Variants in ATP10A observed in about 807,000 individuals in gnomAD.
ATP10A encodes ATPase phospholipid transporting 10A (putative).
ATP10A carries 111 observed loss-of-function variants against 147.8 expected under a neutral mutation model. The ratio of observed to expected loss-of-function variants is 0.75; its 90% CI spans 0.64 to 0.88. The LOEUF is 0.88. Ranked by LOEUF, ATP10A falls within the 40% of genes least tolerant of loss-of-function variation. ATP10A has a pLI of 0.00. For synonymous variants in ATP10A, 875 were observed against 841.6 expected, an observed-to-expected ratio of 1.04 and a Z score of -0.69; for missense variants, 1,927 against 1,959.0, an observed-to-expected ratio of 0.98 and a Z score of 0.31.
intron 1 of ATP10A, among the ~76,000 whole-genome samples, chr15:25,808,940 T>A (rs1387863215): frequency 6.6e-6 from 1 of 152,104 alleles, no homozygotes; most frequent in Admixed American, 6.6e-5. Context: ...GAGGGAAGAC[T>A]GGACGTAGTT....
intron 13 of ATP10A, 35 bp downstream of exon 13, chr15:25,701,881 G>A (rs563455781): frequency 6.4e-7 from 1 of 1,553,588 alleles, no homozygotes; most frequent in East Asian, 2.3e-5. Context: ...GACCACCCCA[G>A]GGGAAGGAAG....
At chr15:25,839,366 C>T (rs929433334) in intron 1 of ATP10A, among the ~76,000 whole-genome samples, 1 of 152,152 alleles carries the variant, frequency 6.6e-6, no homozygotes, top group African/African-American at 2.4e-5. Flanking sequence ...TATAACTAGA[C>T]AGCCAAGTCT....
chr15:25,774,721 T>C (rs1596861777), intron 2 of ATP10A, among the ~76,000 whole-genome samples: 1 of 152,152 alleles, frequency 6.6e-6, no homozygotes, highest in African/African-American at 2.4e-5. Context: ...GCCAAACTTA[T>C]ATTGCCATGA....
intron 1 of ATP10A, among the ~76,000 whole-genome samples, chr15:25,829,614 CAG>C (rs779545996): frequency 2.0e-5 from 3 of 152,084 alleles, no homozygotes; most frequent in Non-Finnish European, 4.4e-5. Context: ...GTAAGATAAA[CAG>C]AGTAGGGACA....
chr15:25,857,492 T>C (rs1893569170), intron 1 of ATP10A, among the ~76,000 whole-genome samples: 1 of 152,122 alleles, frequency 6.6e-6, no homozygotes, highest in Non-Finnish European at 1.5e-5. Flanking sequence ...ATTTATAGTT[T>C]AGTTTTAAGA....
At chr15:25,704,240 T>A (rs1209531856) in intron 12 of ATP10A, among the ~76,000 whole-genome samples, 1 of 151,498 alleles carries the variant, frequency 6.6e-6, no homozygotes, top group Non-Finnish European at 1.5e-5. Flanking sequence ...TCATTCATAC[T>A]TAATGATAGT....
chr15:25,775,879 C>G (rs570928253), intron 2 of ATP10A, among the ~76,000 whole-genome samples: 5 of 152,260 alleles, frequency 3.3e-5, no homozygotes, highest in Non-Finnish European at 7.3e-5. Context: ...CCCCGCCTCA[C>G]CCCGGCTGAA....
Position 25,721,648 on chromosome 15 carries a change from C to G in ATP10A, c.1363+9G>C, listed in dbSNP as rs940314286. 1.4e-5 allele frequency: 22 copies of G among 1,610,234 alleles called. No individual in the cohort carries two copies. The highest frequency in any genetic ancestry group is 2.2e-5 in the East Asian group (1 of 44,790). On this transcript the variant is annotated intron_variant, in intron 7 of 20. Coordinates refer to ENST00000555815, the MANE Select transcript of ATP10A (RefSeq NM_024490.4). The stretch of plus-strand genomic sequence containing the variant: ...GCCTGGGTTGGGAGCCCCGCACCCC[C>G]AGACTCACCATTTGCATCATGAGAA...
intron 1 of ATP10A, among the ~76,000 whole-genome samples, chr15:25,806,559 G>T (rs149732824): frequency 0.021 from 3,240 of 152,150 alleles, 121 homozygotes; most frequent in African/African-American, 0.074. Flanking sequence ...TGATCCGCCC[G>T]CCTCAGCCTC....
intron 1 of ATP10A, among the ~76,000 whole-genome samples, chr15:25,833,988 C>CA (rs113406342): frequency 0.028 from 3,976 of 143,272 alleles, 180 homozygotes; most frequent in African/African-American, 0.093. Context: ...AACGAACAAA[C>CA]AAAAAAAAAA....
At chr15:25,776,554 C>T (rs1218296694) in intron 2 of ATP10A, among the ~76,000 whole-genome samples, 1 of 152,242 alleles carries the variant, frequency 6.6e-6, no homozygotes, top group Non-Finnish European at 1.5e-5. Context: ...TGATGCTCCA[C>T]ACGGGGGCCT....
intron 7 of ATP10A, 111 bp from the exon 8 acceptor site, chr15:25,718,510 C>A: frequency 9.3e-7 from 1 of 1,072,610 alleles, no homozygotes; most frequent in Non-Finnish European, 1.3e-6. Flanking sequence ...GGCAGCCCCA[C>A]AGGATTCACC....
chr15:25,775,611 C>A (rs1378164901), intron 2 of ATP10A, among the ~76,000 whole-genome samples: 1 of 152,240 alleles, frequency 6.6e-6, no homozygotes, highest in East Asian at 1.9e-4. Flanking sequence ...CACATGTGCA[C>A]ACGCCTGGGA....
At chr15:25,784,879 G>A (rs1450222596) in intron 1 of ATP10A, among the ~76,000 whole-genome samples, 16 of 150,698 alleles carry the variant, frequency 1.1e-4, no homozygotes, top group African/African-American at 3.7e-4. Context: ...CCGAGATCGC[G>A]CCACTGCACT....
chr15:25,750,335 C>G (rs1159653381), intron 2 of ATP10A, among the ~76,000 whole-genome samples: 1 of 151,684 alleles, frequency 6.6e-6, no homozygotes, highest in Non-Finnish European at 1.5e-5. Flanking sequence ...AATTCTATAC[C>G]CAGTAAAGAT....
intron 1 of ATP10A, among the ~76,000 whole-genome samples, chr15:25,789,927 C>A (rs772613180): frequency 1.1e-4 from 16 of 152,096 alleles, no homozygotes; most frequent in South Asian, 2.1e-4. Context: ...GGTGCAAAAT[C>A]GCTCCCGGTT....
intron 2 of ATP10A, among the ~76,000 whole-genome samples, chr15:25,778,500 A>AG (rs1889737776): frequency 6.6e-6 from 1 of 151,702 alleles, no homozygotes; most frequent in Non-Finnish European, 1.5e-5. Flanking sequence ...GAAAGAGAAA[A>AG]AAAAAAACCC....
chr15:25,779,541 G>A (rs963537563), intron 2 of ATP10A, among the ~76,000 whole-genome samples: 6 of 139,024 alleles, frequency 4.3e-5, no homozygotes, highest in African/African-American at 1.6e-4. Flanking sequence ...ACGGGCTCAC[G>A]CCCCTGACTT....
chr15:25,680,016 C>A (rs558291857), intron 20 of ATP10A, 42 bp from the exon 21 acceptor site: 2 of 1,582,050 alleles, frequency 1.3e-6, no homozygotes, highest in Non-Finnish European at 1.7e-6. Context: ...ATATTCCTGT[C>A]GGTGGTGTCT....
Sources: gnomAD v4.1 joint callset for allele counts (sites outside exome capture counted in the v4.1 genomes callset) on GRCh38, gnomAD v4.1.1 for gene constraint, MANE v1.5 for transcripts, NCBI Gene and HGNC (gene_info 2026-07-23, HGNC 2026-07-21) for gene names.